Variants in RYR1 observed in about 807,000 individuals in gnomAD.
RYR1 encodes ryanodine receptor 1.
A neutral mutation model predicts 583.5 loss-of-function variants in RYR1; 342 were observed. That is an observed-to-expected ratio of 0.59 (90% CI 0.54 to 0.64). RYR1 has a LOEUF of 0.64. Among genes scored for constraint, RYR1 ranks in the 30% least tolerant of loss-of-function variants. RYR1 has a pLI of 0.00. For synonymous variants in RYR1, 2,791 were observed against 2,822.5 expected (o/e 0.99, Z 0.35); for missense variants, 6,032 against 6,917.2 (o/e 0.87, Z 4.54).
At position 38,585,114 on chromosome 19, in the gene RYR1, T is replaced by TG. The variant is rs1245052030; in HGVS notation, c.14803+18dup. On this transcript the variant is annotated intron_variant, in intron 102 of 105. Transcript: ENST00000359596. ...CATCATCCAGGGTCAGTGCTGGGAG[T>TG]GGGCGCTCAGGGCCCGGAGGCAGGC... is the stretch of plus-strand genomic sequence containing the variant. 1.9e-6 allele frequency: 3 copies of TG among 1,612,832 alleles called. No individual in the cohort carries two copies. The highest frequency in any genetic ancestry group is 3.3e-5 in the Admixed American group (2 of 59,848).
intron 89 of RYR1, among the ~76,000 whole-genome samples, chr19:38,560,759 AAAAG>A (rs898448422): frequency 6.7e-5 from 10 of 150,284 alleles, no homozygotes; most frequent in Admixed American, 2.0e-4. Context: ...AAGAGAAAGA[AAAAG>A]AAAAAAAAGC....
chr19:38,474,463 A>G (rs1043958761), intron 28 of RYR1, among the ~76,000 whole-genome samples: 8 of 149,402 alleles, frequency 5.4e-5, no homozygotes, highest in African/African-American at 1.5e-4. Flanking sequence ...GGGTTTTGCC[A>G]TGTTGGCCAG....
At chr19:38,577,857 A>C in intron 97 of RYR1, 61 bp from the exon 98 acceptor site, 2 of 1,607,144 alleles carry the variant, frequency 1.2e-6, no homozygotes, top group Non-Finnish European at 1.7e-6. Flanking sequence ...ACCCCCTTGC[A>C]GGCCACGACA....
intron 49 of RYR1, 37 bp from the exon 50 acceptor site, chr19:38,504,183 C>T (rs1167133094): frequency 1.3e-6 from 2 of 1,589,472 alleles, no homozygotes; most frequent in South Asian, 2.3e-5. Flanking sequence ...CGCTGGTGCC[C>T]CCCTCATTTG....
chr19:38,479,873 T>C (rs6508804), intron 31 of RYR1, among the ~76,000 whole-genome samples: 1 of 151,720 alleles, frequency 6.6e-6, no homozygotes, highest in South Asian at 2.1e-4. Flanking sequence ...CGTGCCACCA[T>C]GCCCAGCTAA....
intron 89 of RYR1, among the ~76,000 whole-genome samples, chr19:38,560,620 T>A (rs924889562): frequency 6.9e-6 from 1 of 145,962 alleles, no homozygotes; most frequent in African/African-American, 2.6e-5. Context: ...TCCCAGCTGC[T>A]CAGGAGGCTG....
At chr19:38,481,186 G>T (rs1282641156) in intron 31 of RYR1, among the ~76,000 whole-genome samples, 1 of 152,036 alleles carries the variant, frequency 6.6e-6, no homozygotes, top group Non-Finnish European at 1.5e-5. Context: ...GTGCACAGTG[G>T]TGCAATCTTG....
chr19:38,565,631 G>A lies in RYR1; in HGVS notation c.13297G>A (p.Gly4433Ser), dbSNP rs1425441202. The change falls in exon 91 of 106, where the codon GGT becomes AGT. Residue 4433 changes from glycine to serine, a missense_variant. Physicochemically the swap from Gly to Ser is moderately conservative, Grantham distance 56. Coordinates refer to ENST00000359596, the MANE Select transcript of RYR1 (RefSeq NM_000540.3). The surrounding 1 kb of genome is among the most constrained non-coding windows in gnomAD (Gnocchi z 4.7). ...EEAVHEAGPGGADGAVAVTDG... is the reference protein window; with the variant it reads ...EEAVHEAGPGSADGAVAVTDG... Reference sequence around the variant, plus strand: ...GGCGGTGCACGAGGCCGGGCCGGGCGGTGCCGACGGGGCGGTGGCCGTGAC... The same window carrying A: ...GGCGGTGCACGAGGCCGGGCCGGGCAGTGCCGACGGGGCGGTGGCCGTGAC... 2.1e-6 allele frequency: 3 copies of A among 1,397,850 alleles called. No individual in the cohort carries two copies. Among genetic ancestry groups the A allele is most frequent in the African/African-American group, 1.5e-5 (1 of 66,074 alleles). The allele number at this position is 1,397,850 out of a possible 1,614,324, so 86.6% of individuals were successfully genotyped here. A position where few individuals can be genotyped will look rare whatever the true frequency, so the allele number is the denominator to read the frequency against.
rs886038322 is a variant in RYR1, at chr19:38,573,236, C to G, written c.14058C>G (p.Gly4686=). ...KELARKLEFD[G]LYITEQPEDD... ...TGGCCCGGAAGCTGGAGTTTGATGG[C>G]CTGTACATCACGGAGCAGCCTGAGG... The change falls in exon 96 of 106, where the codon GGC becomes GGG. Residue 4686 remains glycine, a synonymous_variant. Transcript: ENST00000359596. The G allele has an allele frequency of 2.5e-6, 4 of 1,613,880 alleles. No homozygotes were observed. The African/African-American group carries it at 4.0e-5, about 16-fold the overall frequency.
intron 73 of RYR1, chr19:38,528,078 C>T (rs1158214264): frequency 6.3e-6 from 4 of 630,180 alleles, no homozygotes; most frequent in African/African-American, 1.8e-5. Context: ...TAGAATTGGT[C>T]GTGGCCTGGC....
At chr19:38,458,391 C>G in intron 18 of RYR1, 99 bp downstream of exon 18, 1 of 1,262,682 alleles carries the variant, frequency 7.9e-7, no homozygotes, top group Non-Finnish European at 1.1e-6. Flanking sequence ...ATCCTGACTC[C>G]CTGAAAAGGT....
At chr19:38,436,513 T>G (rs761351850) in intron 1 of RYR1, among the ~76,000 whole-genome samples, 2 of 152,184 alleles carry the variant, frequency 1.3e-5, no homozygotes, top group Non-Finnish European at 2.9e-5. Context: ...CCGGCCTTTC[T>G]TCTTTCACTC....
rs1310058252 is a variant in RYR1, at chr19:38,499,453, G to C, written c.7028-182G>C. 8.2e-6 allele frequency among the ~76,000 whole-genome samples: 1 copy of C among 122,206 alleles called. No homozygotes were observed. Among genetic ancestry groups the C allele is most frequent in the East Asian group, 2.7e-4 (1 of 3,640 alleles). 80.2% of individuals were successfully genotyped at this position (122,206 alleles called of 152,430 possible). On this transcript the variant is annotated intron_variant, in intron 43 of 105. Coordinates refer to ENST00000359596, the MANE Select transcript of RYR1 (RefSeq NM_000540.3). This position sits in a 1 kb window ranked among gnomAD's most constrained non-coding sequence, Gnocchi z 7.3. ...TGGATCCTGGGGCTGGCGGGAGCCT[G>C]GTGTTACCCCTAGAGGTGTTGGGTC... is the stretch of plus-strand genomic sequence containing the variant.
At position 38,537,736 on chromosome 19, in the gene RYR1, AGT is replaced by A. The variant is rs138741826; in HGVS notation, c.11609-141_11609-140del. 5.0e-4 allele frequency: 404 copies of A among 805,274 alleles called. 3 individuals are homozygous for A. The African/African-American group carries it at 5.5e-3, about 11-fold the overall frequency. The allele number at this position is 805,274 out of a possible 1,614,324, so 49.9% of individuals were successfully genotyped here. ...CGTCATGGATGCCCATGGCCCTCAC[AGT>A]GTCTTTGGAGTGGCAGCTGCTCCTC... On this transcript the variant is annotated intron_variant, in intron 83 of 105. Coordinates refer to ENST00000359596, the MANE Select transcript of RYR1 (RefSeq NM_000540.3).
chr19:38,509,196 C>T (rs1190699306), intron 58 of RYR1, among the ~76,000 whole-genome samples: 2 of 152,146 alleles, frequency 1.3e-5, no homozygotes, highest in Non-Finnish European at 1.5e-5. Context: ...CAATTCCCTT[C>T]CCTCTCTAGA....
Position 38,446,464 on chromosome 19 carries a change from C to T in RYR1, c.632-8C>T. The T allele has an allele frequency of 6.2e-7, 1 of 1,611,612 alleles. No individual in the cohort carries two copies. The highest frequency in any genetic ancestry group is 2.2e-5 in the East Asian group (1 of 44,884). On this transcript the variant is annotated splice_region_variant and splice_polypyrimidine_tract_variant and intron_variant, in intron 7 of 105. Transcript: ENST00000359596. ...TCCCATTGACCAACTTCCCTTGCTC[C>T]TCTCCAGGCTTCGTGACGGGAGGTC...
At chr19:38,585,398 ATATATATG>A (rs1974434910) in intron 102 of RYR1, among the ~76,000 whole-genome samples, 3 of 147,530 alleles carry the variant, frequency 2.0e-5, no homozygotes, top group East Asian at 2.0e-4. Context: ...GTTTATTTAT[ATATATATG>A]TGTTTATATA....
At chr19:38,509,395 C>G (rs1970620828) in intron 58 of RYR1, among the ~76,000 whole-genome samples, 3 of 151,746 alleles carry the variant, frequency 2.0e-5, no homozygotes, top group Admixed American at 2.0e-4. Context: ...TCTCACAGTG[C>G]CAAGGACATA....
intron 97 of RYR1, among the ~76,000 whole-genome samples, chr19:38,576,309 G>T (rs761548827): frequency 2.0e-5 from 3 of 151,954 alleles, no homozygotes; most frequent in African/African-American, 7.3e-5. Context: ...CAAAAAATTA[G>T]CACGGTACCG....
Sources: gnomAD v4.1 joint callset for allele counts (sites outside exome capture counted in the v4.1 genomes callset) on GRCh38, gnomAD v4.1.1 for gene constraint, Gnocchi (gnomAD v3.1) non-coding constraint, MANE v1.5 for transcripts, NCBI Gene and HGNC (gene_info 2026-07-23, HGNC 2026-07-21) for gene names.